Variants in LGALS8 observed in about 807,000 individuals in gnomAD.
LGALS8 encodes galectin 8.
A neutral mutation model predicts 35.9 loss-of-function variants in LGALS8; 30 were observed. The ratio of observed to expected loss-of-function variants is 0.83; its 90% CI spans 0.62 to 1.13. The LOEUF (loss-of-function observed/expected upper bound fraction) is 1.13, where lower values mean the gene tolerates loss of function less well. Ranked by LOEUF, LGALS8 falls within the 50% of genes most tolerant of loss-of-function variation. LGALS8 has a pLI of 0.00. For synonymous variants in LGALS8, 138 were observed against 136.1 expected, an observed-to-expected ratio of 1.01 and a Z score of -0.10; for missense variants, 366 against 388.7, an observed-to-expected ratio of 0.94 and a Z score of 0.49.
rs775136127 is a variant in LGALS8 at position 236,552,288 on chromosome 1, T to C, written c.*4127T>C. ...ACCAGTTTCACCATTTGGGAGCTGT[T>C]TGTAATATGTGCAACCTTATAAATA... On this transcript the variant is annotated 3_prime_UTR_variant, in exon 10 of 10. Coordinates refer to ENST00000366584, the MANE Select transcript of LGALS8 (RefSeq NM_201544.4). The C allele has an allele frequency of 8.2e-6, 4 of 486,068 alleles. No individual in the cohort carries two copies. The highest frequency in any genetic ancestry group is 1.4e-5 in the Non-Finnish European group (4 of 275,888). 30.1% of individuals were successfully genotyped at this position (486,068 alleles called of 1,614,324 possible).
rs1205240724 is a variant in LGALS8, at chr1:236,548,159, T to C, written c.952T>C (p.Ter318GlnextTer36). Residue 318 changes from the stop codon to glutamine (Q), a stop_lost, in exon 10 of 10, where the codon TAG (stop) becomes CAG (glutamine). Transcript: ENST00000366584. Reference sequence around the variant, plus strand: ...CCACTTACTGGAAGTAAGGAGCTGGTAGCCTACCTACACAGCTGCTACAAA... The same window carrying C: ...CCACTTACTGGAAGTAAGGAGCTGGCAGCCTACCTACACAGCTGCTACAAA... ...DIHLLEVRSW* is the reference protein window; with the variant it reads ...DIHLLEVRSWQ 1 of 1,612,808 alleles carries C rather than the reference T, an allele frequency of 6.2e-7. No individual in the cohort carries two copies. Among genetic ancestry groups the C allele is most frequent in the Non-Finnish European group, 8.5e-7 (1 of 1,179,216 alleles).
chr1:236,551,148 C>T lies in LGALS8; in HGVS notation c.*2987C>T. The T allele has an allele frequency of 3.3e-6, 2 of 599,734 alleles. No individual in the cohort carries two copies. 37.2% of individuals were successfully genotyped at this position (599,734 alleles called of 1,614,324 possible). A position where few individuals can be genotyped will look rare whatever the true frequency, so the allele number is the denominator to read the frequency against. On this transcript the variant is annotated 3_prime_UTR_variant, in exon 10 of 10. Coordinates refer to ENST00000366584, the MANE Select transcript of LGALS8 (RefSeq NM_201544.4). ...ACAAAGCAGGAGGCGCCACGGACCG[C>T]CTCCCTCCACACCGCTCCTTCCGCC...
At chr1:236,527,718 T>C (rs552262271) in intron 2 of LGALS8, among the ~76,000 whole-genome samples, 1 of 151,560 alleles carries the variant, frequency 6.6e-6, no homozygotes, top group East Asian at 1.9e-4. Context: ...TAACTTATTT[T>C]ATTTATTCAA....
rs563532115 is a variant in LGALS8 at position 236,537,090 on chromosome 1, C to T, written c.46-407C>T. 8.1e-5 allele frequency among the ~76,000 whole-genome samples: 12 copies of T among 148,924 alleles called. 1 individual carries two copies. The South Asian group carries it at 1.7e-3, about 21-fold the overall frequency. ...GGAGCATAGTGGCGCGATCTCGGCT[C>T]ACTGCAAGCTCCGCCTCCCAGGTTC... On this transcript the variant is annotated intron_variant, in intron 2 of 9. Transcript: ENST00000366584.
At position 236,548,079 on chromosome 1, in the gene LGALS8, AAC is replaced by A; in HGVS notation, c.876_877del (p.His292GlnfsTer3). Reference sequence around the variant, plus strand: ...AATGGCGTACACAGCCTGGAGTACAAACACAGATTTAAAGAGCTCAGCAGTAT... The same window carrying A: ...AATGGCGTACACAGCCTGGAGTACAAACAGATTTAAAGAGCTCAGCAGTAT... On this transcript the variant is annotated frameshift_variant, in exon 10 of 10. Coordinates refer to ENST00000366584, the MANE Select transcript of LGALS8 (RefSeq NM_201544.4). LOFTEE classifies it high-confidence loss of function. The A allele has an allele frequency of 6.2e-7, 1 of 1,613,882 alleles. No homozygotes were observed. The highest frequency in any genetic ancestry group is 8.5e-7 in the Non-Finnish European group (1 of 1,179,738).
intron 7 of LGALS8, chr1:236,542,991 A>G (rs1662109796): frequency 5.0e-6 from 8 of 1,614,218 alleles, no homozygotes; most frequent in Non-Finnish European, 5.9e-6. Context: ...TCGACTGTCA[A>G]TCACACTTTG....
At chr1:236,534,303 T>C (rs574082127) in intron 2 of LGALS8, among the ~76,000 whole-genome samples, 1 of 152,340 alleles carries the variant, frequency 6.6e-6, no homozygotes, top group East Asian at 1.9e-4. Context: ...CTTAGGCTTC[T>C]TTCAAGCTGC....
upstream of LGALS8, among the ~76,000 whole-genome samples, chr1:236,522,662 A>G (rs1303349224): frequency 1.3e-5 from 2 of 152,224 alleles, no homozygotes; most frequent in African/African-American, 2.4e-5. Context: ...AAAGCATTAC[A>G]CTATGCACTG....
rs1662259046 is a variant in LGALS8 at position 236,544,795 on chromosome 1, A to G, written c.684A>G (p.Leu228=). ...CAGGAAAATCAAAGGATATTGCTCT[A>G]CACTTGAACCCACGCCTGAATATTA... ...LLAGKSKDIA[L]HLNPRLNIKA... The change falls in exon 9 of 10, where the codon CTA becomes CTG. Residue 228 remains leucine (L), a synonymous_variant. Transcript: ENST00000366584. 2 of 1,613,778 alleles carry G rather than the reference A, an allele frequency of 1.2e-6. No homozygotes were observed. Among genetic ancestry groups the G allele is most frequent in the South Asian group, 2.2e-5 (2 of 91,064 alleles).
chr1:236,535,442 T>C (rs905808205), intron 2 of LGALS8, among the ~76,000 whole-genome samples: 1 of 152,210 alleles, frequency 6.6e-6, no homozygotes, highest in African/African-American at 2.4e-5. Flanking sequence ...GATCATACTA[T>C]ATATGGCTCT....
chr1:236,534,655 G>C (rs1661357563), intron 2 of LGALS8, among the ~76,000 whole-genome samples: 1 of 151,390 alleles, frequency 6.6e-6, no homozygotes, highest in Non-Finnish European at 1.5e-5. Flanking sequence ...TTCTGAAGTA[G>C]AAGGCATGAT....
At chr1:236,536,808 G>A (rs1661537341) in intron 2 of LGALS8, 1 of 152,100 alleles carries the variant, frequency 6.6e-6, no homozygotes, top group Non-Finnish European at 1.5e-5. Context: ...GATCAGCAGT[G>A]GAACAGTAGG....
chr1:236,524,006 A>G lies in LGALS8; in HGVS notation c.-159A>G. The G allele has an allele frequency of 2.4e-6, 1 of 413,924 alleles. No homozygotes were observed. Among genetic ancestry groups the G allele is most frequent in the South Asian group, 1.7e-5 (1 of 58,528 alleles). The allele number at this position is 413,924 out of a possible 1,614,324, so 25.6% of individuals were successfully genotyped here. A position where few individuals can be genotyped will look rare whatever the true frequency, so the allele number is the denominator to read the frequency against. On this transcript the variant is annotated 5_prime_UTR_variant, in exon 1 of 10. Transcript: ENST00000366584. ...CGCCAGAGCCGGGAACCCTGACGGC[A>G]CTTAGCTGCTGACAAACAACCTGCT... is the stretch of plus-strand genomic sequence containing the variant.
intron 4 of LGALS8, 38 bp downstream of exon 4, chr1:236,539,127 T>C (rs1194410730): frequency 1.3e-6 from 2 of 1,511,878 alleles, no homozygotes; most frequent in Non-Finnish European, 1.8e-6. Context: ...TCCTCATTAG[T>C]GAGCAGGAGT....
chr1:236,526,369 T>C lies in LGALS8; in HGVS notation c.45+254T>C. 1 of 323,790 alleles carries C rather than the reference T, an allele frequency of 3.1e-6. No individual in the cohort carries two copies. Among genetic ancestry groups the C allele is most frequent in the African/African-American group, 2.1e-5 (1 of 47,390 alleles). 20.1% of individuals were successfully genotyped at this position (323,790 alleles called of 1,614,324 possible). A position where few individuals can be genotyped will look rare whatever the true frequency, so the allele number is the denominator to read the frequency against. The stretch of plus-strand genomic sequence containing the variant: ...GAACGTCTGGGTAGAGTGGAGGGAA[T>C]GCCAACTTTTGGTGATGGGAGGAGG... On this transcript the variant is annotated intron_variant, in intron 2 of 9. Transcript: ENST00000366584. The surrounding 1 kb of genome is among the most constrained non-coding windows in gnomAD (Gnocchi z 4.6).
At chr1:236,527,689 CA>C (rs74680187) in intron 2 of LGALS8, among the ~76,000 whole-genome samples, 81,810 of 150,210 alleles carry the variant, frequency 0.54, 23,665 homozygotes, top group Non-Finnish European at 0.64. Flanking sequence ...TTCAATGTTC[CA>C]AAAAAAAAGG....
At chr1:236,536,382 C>G (rs892915534) in intron 2 of LGALS8, 2 of 152,176 alleles carry the variant, frequency 1.3e-5, no homozygotes, top group African/African-American at 4.8e-5. Context: ...AGCCAGTGGA[C>G]TGGGAAGACA....
Position 236,526,235 on chromosome 1 carries a change from T to C in LGALS8, c.45+120T>C. ...CAGTGAACATATTTAAAGCACCTAC[T>C]ATGTAATAGAGATGGTGGTGGGTGC... On this transcript the variant is annotated intron_variant, in intron 2 of 9. Coordinates refer to ENST00000366584, the MANE Select transcript of LGALS8 (RefSeq NM_201544.4). This position sits in a 1 kb window ranked among gnomAD's most constrained non-coding sequence, Gnocchi z 4.6. 1.5e-6 allele frequency: 1 copy of C among 665,638 alleles called. No homozygotes were observed. Among genetic ancestry groups the C allele is most frequent in the Non-Finnish European group, 2.6e-6 (1 of 388,190 alleles). 41.2% of individuals were successfully genotyped at this position (665,638 alleles called of 1,614,324 possible).
chr1:236,522,633 A>G (rs529501616), upstream of LGALS8, among the ~76,000 whole-genome samples: 18 of 152,286 alleles, frequency 1.2e-4, no homozygotes, highest in African/African-American at 2.9e-4. Flanking sequence ...TCAACCTAAC[A>G]TTGATATCTA....
Sources: allele counts gnomAD v4.1 joint callset (sites outside exome capture counted in the v4.1 genomes callset), GRCh38; gene constraint gnomAD v4.1.1; non-coding constraint Gnocchi (gnomAD v3.1); transcripts MANE v1.5; gene names NCBI Gene and HGNC (gene_info 2026-07-23, HGNC 2026-07-21).